The following TPTE variants were observed in gnomAD, a reference collection of about 807,000 sequenced individuals.
The protein encoded by TPTE is transmembrane phosphatase with tensin homology.
A neutral mutation model predicts 84.1 loss-of-function variants in TPTE; 59 were observed. The ratio of observed to expected loss-of-function variants is 0.70; its 90% CI spans 0.57 to 0.87. The LOEUF (loss-of-function observed/expected upper bound fraction) is 0.87. Ranked by LOEUF, TPTE falls within the 40% of genes least tolerant of loss-of-function variation. The probability of loss-of-function intolerance (pLI) is 0.00; values close to 1 mark genes in which losing one functional copy is unlikely to be tolerated. For synonymous variants in TPTE, 130 were observed against 223.5 expected, an observed-to-expected ratio of 0.58 and a Z score of 3.73; for missense variants, 382 against 659.6, an observed-to-expected ratio of 0.58 and a Z score of 4.61.
intron 8 of TPTE, among the ~76,000 whole-genome samples, chr21:10,555,309 C>T (rs572350503): frequency 1.9e-3 from 285 of 152,282 alleles, no homozygotes; most frequent in Non-Finnish European, 2.8e-3. Flanking sequence ...CAGGTTCAAG[C>T]GATTCTCCTG....
intron 3 of TPTE, among the ~76,000 whole-genome samples, chr21:10,533,986 T>C (rs1378723771): frequency 1.3e-5 from 2 of 152,308 alleles, no homozygotes; most frequent in Non-Finnish European, 2.9e-5. Flanking sequence ...GCTGGATGTT[T>C]TGTCTTATTT....
chr21:10,583,073 A>T (rs2075298727), intron 17 of TPTE, among the ~76,000 whole-genome samples: 1 of 152,310 alleles, frequency 6.6e-6, no homozygotes, highest in Non-Finnish European at 1.5e-5. Context: ...CTTGTTGCAC[A>T]TGTGGCCACA....
chr21:10,574,826 G>T (rs2075119040), intron 14 of TPTE, among the ~76,000 whole-genome samples: 1 of 152,310 alleles, frequency 6.6e-6, no homozygotes. Context: ...ATGCCACCAG[G>T]GCTGTGGATC....
intron 19 of TPTE, among the ~76,000 whole-genome samples, chr21:10,595,089 C>G (rs2075556324): frequency 6.6e-6 from 1 of 152,312 alleles, no homozygotes; most frequent in Admixed American, 6.5e-5. Flanking sequence ...GTCGCCCAGA[C>G]TAGAGTGCAG....
intron 18 of TPTE, among the ~76,000 whole-genome samples, chr21:10,591,898 C>CA (rs1266733775): frequency 2.6e-5 from 4 of 152,306 alleles, no homozygotes; most frequent in African/African-American, 9.6e-5. Context: ...ACGGGTGGCT[C>CA]ACGCCTGTAA....
intron 23 of TPTE, among the ~76,000 whole-genome samples, chr21:10,605,119 G>C (rs1207695099): frequency 1.3e-5 from 2 of 152,300 alleles, no homozygotes; most frequent in Admixed American, 1.3e-4. Context: ...TGTCTATCCT[G>C]ACTGATTTCT....
rs374074629 is a variant in TPTE, at chr21:10,541,043, C to A, written c.12-69C>A. ...AACTGGGGAATGACACATAGACTAA[C>A]TGTAGCTATTTGTTGCAAAACATTA... On this transcript the variant is annotated intron_variant, in intron 4 of 23. Transcript: ENST00000618007. 5.5e-5 allele frequency: 88 copies of A among 1,596,544 alleles called. No individual in the cohort carries two copies. The East Asian group carries it at 6.9e-4, about 13-fold the overall frequency.
intron 20 of TPTE, among the ~76,000 whole-genome samples, chr21:10,596,708 G>A (rs1377415492): frequency 9.2e-5 from 14 of 152,306 alleles, no homozygotes; most frequent in African/African-American, 3.1e-4. Flanking sequence ...AACCCCTAAA[G>A]CAAACCTCTT....
intron 8 of TPTE, among the ~76,000 whole-genome samples, chr21:10,557,728 A>G (rs1198689585): frequency 6.6e-6 from 1 of 152,138 alleles, no homozygotes; most frequent in Admixed American, 6.5e-5. Context: ...TCCTTCATCA[A>G]AGGCCAATTT....
intron 3 of TPTE, among the ~76,000 whole-genome samples, chr21:10,533,630 G>GTCC (rs1491191422): frequency 6.6e-6 from 1 of 152,310 alleles, no homozygotes; most frequent in African/African-American, 2.4e-5. Context: ...TTTCAAAAGT[G>GTCC]TCCTGGTTTG....
intron 3 of TPTE, among the ~76,000 whole-genome samples, chr21:10,531,674 G>T (rs1260128126): frequency 1.3e-5 from 2 of 152,308 alleles, no homozygotes; most frequent in African/African-American, 2.4e-5. Context: ...CTGCCTGTTA[G>T]CTTTGGCATT....
At chr21:10,549,467 T>A in intron 7 of TPTE, among the ~76,000 whole-genome samples, 1 of 152,302 alleles carries the variant, frequency 6.6e-6, no homozygotes, top group Non-Finnish European at 1.5e-5. Flanking sequence ...TGAAATCAGG[T>A]GAAAGAGAAA....
At chr21:10,540,015 C>A (rs1453014125) in intron 4 of TPTE, among the ~76,000 whole-genome samples, 5 of 152,306 alleles carry the variant, frequency 3.3e-5, no homozygotes, top group African/African-American at 9.6e-5. Flanking sequence ...TCTCAAAAAA[C>A]CAAAAACAAC....
At chr21:10,537,903 T>A (rs907016614) in intron 3 of TPTE, among the ~76,000 whole-genome samples, 1 of 152,308 alleles carries the variant, frequency 6.6e-6, no homozygotes, top group Non-Finnish European at 1.5e-5. Flanking sequence ...CACATGTGTC[T>A]GCATGATCTC....
intron 4 of TPTE, chr21:10,540,784 C>A (rs1182907584): frequency 7.6e-6 from 4 of 526,844 alleles, no homozygotes; most frequent in South Asian, 5.6e-5. Flanking sequence ...ATGAGGAACT[C>A]AAATGGGATT....
chr21:10,538,609 A>G lies in TPTE; in HGVS notation c.-43-72A>G. The G allele has an allele frequency of 6.8e-6, 11 of 1,606,340 alleles. No homozygotes were observed. The Middle Eastern group carries it at 1.5e-3, about 217-fold the overall frequency. Reference sequence around the variant, plus strand: ...ACTGGTTTATGTGCAGATTAATGAAAGCTAGTTTTACCAGAAAAGTAAATT... The same window carrying G: ...ACTGGTTTATGTGCAGATTAATGAAGGCTAGTTTTACCAGAAAAGTAAATT... On this transcript the variant is annotated intron_variant, in intron 3 of 23. Transcript: ENST00000618007.
chr21:10,597,049 T>A (rs1486297333), intron 20 of TPTE, among the ~76,000 whole-genome samples: 1 of 152,308 alleles, frequency 6.6e-6, no homozygotes, highest in Admixed American at 6.5e-5. Flanking sequence ...CTACCTTTAG[T>A]TTTGTGAACA....
intron 2 of TPTE, among the ~76,000 whole-genome samples, chr21:10,525,633 A>T (rs2074064554): frequency 1.3e-5 from 2 of 152,312 alleles, no homozygotes; most frequent in Non-Finnish European, 2.9e-5. Flanking sequence ...CAGCTAACTC[A>T]AACTTCTGTG....
At chr21:10,576,466 C>T (rs1600937320) in intron 14 of TPTE, 1 of 163,254 alleles carries the variant, frequency 6.1e-6, no homozygotes, top group South Asian at 1.4e-4. Flanking sequence ...AAAGCCATCA[C>T]CTGGGGGGAG....
Sources: gnomAD v4.1 joint callset for allele counts (sites outside exome capture counted in the v4.1 genomes callset) on GRCh38, gnomAD v4.1.1 for gene constraint, MANE v1.5 for transcripts, NCBI Gene and HGNC (gene_info 2026-07-23, HGNC 2026-07-21) for gene names.